Variants in NEK11 observed in about 807,000 individuals in gnomAD.
NEK11 encodes NIMA related kinase 11.
A neutral mutation model predicts 80.7 loss-of-function variants in NEK11; 72 were observed. The observed-to-expected ratio is 0.89, with a 90% CI of 0.74 to 1.08. NEK11 has a LOEUF of 1.08. Among genes scored for constraint, NEK11 ranks in the 50% least tolerant of loss-of-function variants. The pLI, the probability that NEK11 is intolerant of heterozygous loss-of-function variation, is 0.00. For missense variants in NEK11, 764 were observed against 763.6 expected, an observed-to-expected ratio of 1.00 and a Z score of -0.01; for synonymous variants, 251 against 260.7, an observed-to-expected ratio of 0.96 and a Z score of 0.36.
intron 6 of NEK11, chr3:131,133,282 G>A (rs954874487): frequency 4.4e-6 from 2 of 455,336 alleles, no homozygotes; most frequent in Non-Finnish European, 8.8e-6. Flanking sequence ...AACAGCTACT[G>A]GATCATCTAA....
intron 16 of NEK11, among the ~76,000 whole-genome samples, chr3:131,269,469 G>A (rs2096134087): frequency 6.6e-6 from 1 of 152,212 alleles, no homozygotes; most frequent in South Asian, 2.1e-4. Flanking sequence ...CTGGGCCAGA[G>A]TGCACCATTC....
At chr3:131,173,952 A>G (rs1458506786) in intron 14 of NEK11, among the ~76,000 whole-genome samples, 1 of 152,208 alleles carries the variant, frequency 6.6e-6, no homozygotes, top group Non-Finnish European at 1.5e-5. Context: ...ATCAGATTAG[A>G]AAAAATACAT....
intron 14 of NEK11, among the ~76,000 whole-genome samples, chr3:131,208,363 G>T (rs1173109494): frequency 6.6e-6 from 1 of 152,184 alleles, no homozygotes; most frequent in African/African-American, 2.4e-5. Context: ...TTTGGTTACT[G>T]TAGCCTTGTA....
At chr3:131,102,288 A>G (rs2078489864) in intron 4 of NEK11, among the ~76,000 whole-genome samples, 1 of 152,068 alleles carries the variant, frequency 6.6e-6, no homozygotes, top group African/African-American at 2.4e-5. Context: ...CTATGTGCCT[A>G]TGTGTGTTTT....
At chr3:131,170,339 G>A (rs2092602123) in intron 13 of NEK11, among the ~76,000 whole-genome samples, 1 of 152,182 alleles carries the variant, frequency 6.6e-6, no homozygotes, top group African/African-American at 2.4e-5. Flanking sequence ...GAATCACAGA[G>A]CTTTAAAGCT....
chr3:131,298,021 A>G (rs1437807617), intron 17 of NEK11, among the ~76,000 whole-genome samples: 9 of 152,084 alleles, frequency 5.9e-5, no homozygotes, highest in Middle Eastern at 3.4e-3. Flanking sequence ...CCATTGATCT[A>G]TATCTCTGTT....
rs748988947 is a variant in NEK11 at position 131,168,830 on chromosome 3, GA to G, written c.1183del (p.Thr395HisfsTer3). On this transcript the variant is annotated frameshift_variant and splice_region_variant, in exon 13 of 18. Transcript: ENST00000383366. LOFTEE classifies it high-confidence loss of function. ...ACAGACTTTGTCATAATCTCTTTAGGAAAAAACACATTTAAAAGGAATGGAA... is the reference window on the plus strand; with the variant it reads ...ACAGACTTTGTCATAATCTCTTTAGGAAAAACACATTTAAAAGGAATGGAA... ...FQQLSVDVLH[E>X]KTHLKGMEEK... The G allele has an allele frequency of 1.7e-5, 27 of 1,611,030 alleles. No homozygotes were observed. Among genetic ancestry groups the G allele is most frequent in the Non-Finnish European group, 2.0e-5 (24 of 1,177,832 alleles).
At chr3:131,250,946 C>T (rs992215619) in intron 16 of NEK11, among the ~76,000 whole-genome samples, 1 of 151,866 alleles carries the variant, frequency 6.6e-6, no homozygotes, top group African/African-American at 2.4e-5. Flanking sequence ...GAGTGCTTAG[C>T]TGTATACAAT....
chr3:131,273,458 G>A lies in NEK11; in HGVS notation c.1622-20G>A, dbSNP rs1173039757. The A allele has an allele frequency of 2.5e-6, 4 of 1,594,438 alleles. No individual in the cohort carries two copies. The highest frequency in any genetic ancestry group is 2.7e-5 in the African/African-American group (2 of 74,470). ...CAGGATTGCTGATGAAGTCAATAAGGGCTGTGCATTGATTTTCAGACACAA... is the reference window on the plus strand; with the variant it reads ...CAGGATTGCTGATGAAGTCAATAAGAGCTGTGCATTGATTTTCAGACACAA... On this transcript the variant is annotated intron_variant, in intron 16 of 17. Coordinates refer to ENST00000383366, the MANE Select transcript of NEK11 (RefSeq NM_024800.5).
At chr3:131,320,520 G>GGAGA (rs144796371) in intron 17 of NEK11, among the ~76,000 whole-genome samples, 19 of 150,054 alleles carry the variant, frequency 1.3e-4, no homozygotes, top group African/African-American at 4.1e-4. Context: ...GGAAGAGGAG[G>GGAGA]GAGAGAGAGA....
chr3:131,143,169 T>C (rs150037185), intron 7 of NEK11, among the ~76,000 whole-genome samples: 57 of 152,354 alleles, frequency 3.7e-4, no homozygotes, highest in African/African-American at 1.1e-3. Flanking sequence ...TAAATTCTTT[T>C]GGACAGCCCT....
rs571981969 is a variant in NEK11 at position 131,340,299 on chromosome 3, C to T, written c.1719-9258C>T. On this transcript the variant is annotated intron_variant, in intron 17 of 17. Transcript: ENST00000383366. ...TCTTTATACTATTCCTGTAACTTTT[C>T]TGTAAGTATGGGATTCAAAATTAAA... Among the ~76,000 whole-genome samples the T allele has an allele frequency of 2.6e-5, 4 of 152,208 alleles. No individual in the cohort carries two copies. The South Asian group carries it at 8.3e-4, about 32-fold the overall frequency.
chr3:131,059,306 A>G (rs1338103783), intron 3 of NEK11, among the ~76,000 whole-genome samples: 2 of 152,196 alleles, frequency 1.3e-5, no homozygotes, highest in Non-Finnish European at 2.9e-5. Context: ...GTATACATTA[A>G]GTGTGCAGGT....
At chr3:131,272,466 T>C (rs868449838) in intron 16 of NEK11, among the ~76,000 whole-genome samples, 64 of 78,550 alleles carry the variant, frequency 8.1e-4, no homozygotes, top group African/African-American at 5.1e-3. Context: ...TTAGCTTCTT[T>C]TTTTTTTTTT....
intron 4 of NEK11, among the ~76,000 whole-genome samples, chr3:131,081,113 GAAAAACA>G (rs2075199880): frequency 1.3e-5 from 2 of 151,916 alleles, no homozygotes; most frequent in South Asian, 2.1e-4. Flanking sequence ...CTATCTCTAA[GAAAAACA>G]AAAAACAAAA....
chr3:131,239,829 C>T (rs1450650561), intron 15 of NEK11, among the ~76,000 whole-genome samples: 1 of 152,134 alleles, frequency 6.6e-6, no homozygotes, highest in Non-Finnish European at 1.5e-5. Flanking sequence ...TTCATTCATT[C>T]ATTCATTCAT....
At chr3:131,132,427 G>T (rs1018425704) in intron 5 of NEK11, among the ~76,000 whole-genome samples, 1 of 152,036 alleles carries the variant, frequency 6.6e-6, no homozygotes, top group East Asian at 1.9e-4. Context: ...ATCAATTGAG[G>T]ATATGGTTAC....
chr3:131,161,106 G>A (rs576710695), intron 10 of NEK11, among the ~76,000 whole-genome samples: 2 of 147,672 alleles, frequency 1.4e-5, no homozygotes, highest in Non-Finnish European at 3.0e-5. Context: ...AGCCGAAATC[G>A]TGCCACCGCA....
chr3:131,174,831 C>T, intron 14 of NEK11: 2 of 1,602,256 alleles, frequency 1.2e-6, no homozygotes, highest in Non-Finnish European at 1.7e-6. Flanking sequence ...GACTCTAGGG[C>T]CTGGGTCTAC....
Sources: allele counts gnomAD v4.1 joint callset (sites outside exome capture counted in the v4.1 genomes callset), GRCh38; gene constraint gnomAD v4.1.1; transcripts MANE v1.5; gene names NCBI Gene and HGNC (gene_info 2026-07-23, HGNC 2026-07-21).